The following ARHGEF26 variants were observed in gnomAD, a reference collection of about 807,000 sequenced individuals.
ARHGEF26 encodes the protein Rho guanine nucleotide exchange factor 26, also known as Rho guanine nucleotide exchange factor (GEF) 26.
In ARHGEF26, 59 loss-of-function variants were observed where a neutral mutation model predicts 89.4. That is an observed-to-expected ratio of 0.66 (90% CI 0.54 to 0.82). ARHGEF26 has a LOEUF of 0.82. ARHGEF26 is among the 40% of genes least tolerant of loss of function. ARHGEF26 has a pLI of 0.00. For missense variants in ARHGEF26, 1,234 were observed against 1,085.6 expected (o/e 1.14, Z -1.92); for synonymous variants, 500 against 428.4 (o/e 1.17, Z -2.06).
Position 154,237,191 on chromosome 3 carries a change from A to T in ARHGEF26, c.2091-3179A>T, listed in dbSNP as rs188256066. Among the ~76,000 whole-genome samples, 98 of 152,288 alleles carry T rather than the reference A, an allele frequency of 6.4e-4. 1 individual carries two copies. Among genetic ancestry groups the T allele is most frequent in the Middle Eastern group, 6.8e-3 (2 of 294 alleles). On this transcript the variant is annotated intron_variant, in intron 11 of 14. Coordinates refer to ENST00000465093, the MANE Select transcript of ARHGEF26 (RefSeq NM_015595.4). ...TAAGAGAACAATTAATAAACATTTT[A>T]AAAAAGTATCTACTTCTGTCTTTAT...
chr3:154,208,335 G>T lies in ARHGEF26; in HGVS notation c.1846-9534G>T, dbSNP rs565587792. The stretch of plus-strand genomic sequence containing the variant: ...AAGTACTGGGATTACAGGTGTGACC[G>T]CTATCCTCAGCCTCTTGCTGCTTTC... On this transcript the variant is annotated intron_variant, in intron 9 of 14. Coordinates refer to ENST00000465093, the MANE Select transcript of ARHGEF26 (RefSeq NM_015595.4). Among the ~76,000 whole-genome samples the T allele has an allele frequency of 4.6e-5, 7 of 152,210 alleles. 1 individual carries two copies. In the South Asian group the frequency reaches 1.5e-3, roughly 32 times the overall value.
intron 6 of ARHGEF26, among the ~76,000 whole-genome samples, chr3:154,160,592 A>G (rs1711596166): frequency 6.6e-6 from 1 of 152,190 alleles, no homozygotes; most frequent in African/African-American, 2.4e-5. Flanking sequence ...AATGCAGGAA[A>G]GTTTAAATCT....
intron 10 of ARHGEF26, among the ~76,000 whole-genome samples, chr3:154,224,549 C>T (rs1158586680): frequency 6.6e-6 from 1 of 152,180 alleles, no homozygotes; most frequent in East Asian, 1.9e-4. Flanking sequence ...TCCTGTGTTT[C>T]CTGTAATTCC....
chr3:154,192,935 A>C (rs1163056643), intron 8 of ARHGEF26, among the ~76,000 whole-genome samples: 1 of 152,162 alleles, frequency 6.6e-6, no homozygotes, highest in Non-Finnish European at 1.5e-5. Context: ...ATCCTCTTTA[A>C]ATTTGAGAAA....
In ARHGEF26 at chr3:154,149,324, A is replaced by G. The variant is rs369677483; in HGVS notation, c.1270-65A>G. On this transcript the variant is annotated intron_variant, in intron 4 of 14. Coordinates refer to ENST00000465093, the MANE Select transcript of ARHGEF26 (RefSeq NM_015595.4). ...TGAAGGGCATAGAGTTATGCCTTGA[A>G]TAATGCCCTTGAAACTTTTAAAGTA... The G allele has an allele frequency of 1.6e-4, 222 of 1,360,736 alleles. 1 individual carries two copies. In the African/African-American group the frequency reaches 2.9e-3, roughly 18 times the overall value. 84.3% of individuals were successfully genotyped at this position (1,360,736 alleles called of 1,614,324 possible). A position where few individuals can be genotyped will look rare whatever the true frequency, so the allele number is the denominator to read the frequency against.
chr3:154,146,730 A>T (rs1452708093), intron 4 of ARHGEF26, among the ~76,000 whole-genome samples: 1 of 152,216 alleles, frequency 6.6e-6, no homozygotes, highest in Non-Finnish European at 1.5e-5. Flanking sequence ...ATGTATGCTT[A>T]TATTTTTAAC....
At position 154,122,149 on chromosome 3, in the gene ARHGEF26, G is replaced by A. The variant is rs1368237299; in HGVS notation, c.157G>A (p.Val53Met). Reference sequence around the variant, plus strand: ...CGGGTTACTAATTACGGATTTCCCGGTGGAGGACGGAGGGACGCTCCTCGC... The same window carrying A: ...CGGGTTACTAATTACGGATTTCCCGATGGAGGACGGAGGGACGCTCCTCGC... Reference protein sequence around the residue: ...PNGLLITDFPVEDGGTLLAAQ... With the variant: ...PNGLLITDFPMEDGGTLLAAQ... The change falls in exon 2 of 15, where the codon GTG (valine) becomes ATG (methionine). Residue 53 changes from valine (V) to methionine (M), a missense_variant. By Grantham distance (21) the Val-to-Met change is conservative. Coordinates refer to ENST00000465093, the MANE Select transcript of ARHGEF26 (RefSeq NM_015595.4). 3 of 1,601,916 alleles carry A rather than the reference G, an allele frequency of 1.9e-6. No homozygotes were observed. Among genetic ancestry groups the A allele is most frequent in the East Asian group, 4.5e-5 (2 of 44,140 alleles).
At chr3:154,136,023 A>G (rs1451489035) in intron 4 of ARHGEF26, among the ~76,000 whole-genome samples, 1 of 152,216 alleles carries the variant, frequency 6.6e-6, no homozygotes, top group South Asian at 2.1e-4. Flanking sequence ...TGTAATTTCC[A>G]TCACCTTGAA....
chr3:154,209,123 TCTC>T (rs1395566138), intron 9 of ARHGEF26, among the ~76,000 whole-genome samples: 4 of 152,110 alleles, frequency 2.6e-5, no homozygotes, highest in Middle Eastern at 3.2e-3. Context: ...ATTATTTCAA[TCTC>T]CTTGTTAAAT....
intron 6 of ARHGEF26, among the ~76,000 whole-genome samples, chr3:154,154,656 T>C (rs1713815): frequency 0.85 from 128,404 of 151,894 alleles, 54,556 homozygotes; most frequent in South Asian, 0.96. Flanking sequence ...TTCCCCTCAC[T>C]TTCTTAGATA....
intron 11 of ARHGEF26, among the ~76,000 whole-genome samples, chr3:154,238,418 T>C (rs1423425853): frequency 6.6e-6 from 1 of 152,216 alleles, no homozygotes; most frequent in African/African-American, 2.4e-5. Flanking sequence ...ATTTGCTGTT[T>C]TTTGAGGGCA....
At chr3:154,205,300 G>GT in intron 9 of ARHGEF26, among the ~76,000 whole-genome samples, 1 of 151,948 alleles carries the variant, frequency 6.6e-6, no homozygotes, top group African/African-American at 2.4e-5. Context: ...GAAATCCATT[G>GT]TGTCTGATAT....
At chr3:154,189,600 G>A (rs531586867) in intron 7 of ARHGEF26, among the ~76,000 whole-genome samples, 2 of 152,192 alleles carry the variant, frequency 1.3e-5, no homozygotes, top group Non-Finnish European at 2.9e-5. Flanking sequence ...GCCTCCCAAA[G>A]TGCTGGGATT....
rs766464113 is a variant in ARHGEF26 at position 154,239,249 on chromosome 3, CGAGAGAGAGAGG to C, written c.2091-1109_2091-1098del. Among the ~76,000 whole-genome samples, 288 of 63,292 alleles carry C rather than the reference CGAGAGAGAGAGG, an allele frequency of 4.6e-3. 6 individuals are homozygous for C. Among genetic ancestry groups the C allele is most frequent in the African/African-American group, 0.016 (256 of 16,014 alleles). 41.5% of individuals were successfully genotyped at this position (63,292 alleles called of 152,430 possible). On this transcript the variant is annotated intron_variant, in intron 11 of 14. Transcript: ENST00000465093. ...GTGTTGGGGACTTGATGTAAATGAC[CGAGAGAGAGAGG>C]GAGAGAGAGAGAGAGAGAGAGAGAG...
chr3:154,215,238 A>C (rs1339697489), intron 9 of ARHGEF26, among the ~76,000 whole-genome samples: 1 of 152,054 alleles, frequency 6.6e-6, no homozygotes, highest in Non-Finnish European at 1.5e-5. Flanking sequence ...TCCTTTGCTC[A>C]TGGTGTCCCT....
chr3:154,152,097 A>C (rs1720060333), intron 5 of ARHGEF26, among the ~76,000 whole-genome samples: 1 of 152,200 alleles, frequency 6.6e-6, no homozygotes, highest in Admixed American at 6.5e-5. Flanking sequence ...CTCTGCAGAG[A>C]GTCCTTTGCT....
chr3:154,253,414 C>T (rs916371649), intron 13 of ARHGEF26, among the ~76,000 whole-genome samples: 4 of 152,184 alleles, frequency 2.6e-5, no homozygotes, highest in Non-Finnish European at 4.4e-5. Flanking sequence ...CATTGCTTAG[C>T]ATTGCAGAGC....
At chr3:154,236,175 G>C (rs2108275951) in intron 11 of ARHGEF26, among the ~76,000 whole-genome samples, 1 of 152,198 alleles carries the variant, frequency 6.6e-6, no homozygotes, top group African/African-American at 2.4e-5. Flanking sequence ...AAAACAATCA[G>C]AATATGTATT....
chr3:154,215,843 A>G (rs1715689388), intron 9 of ARHGEF26, among the ~76,000 whole-genome samples: 1 of 152,176 alleles, frequency 6.6e-6, no homozygotes, highest in South Asian at 2.1e-4. Context: ...GCCTCGTAAT[A>G]TTATCACACT....
Sources: allele counts gnomAD v4.1 joint callset (sites outside exome capture counted in the v4.1 genomes callset), GRCh38; gene constraint gnomAD v4.1.1; transcripts MANE v1.5; gene names NCBI Gene and HGNC (gene_info 2026-07-23, HGNC 2026-07-21).